The following KCNH8 variants were observed in gnomAD, a reference collection of about 807,000 sequenced individuals.
The protein encoded by KCNH8 is potassium voltage-gated channel subfamily H member 8, also known as voltage-gated delayed rectifier potassium channel KCNH8.
Under a neutral mutation model 103.6 loss-of-function variants are expected in KCNH8, and 70 were observed. The observed-to-expected ratio is 0.68, with a 90% CI of 0.56 to 0.82. The LOEUF is 0.82. Ranked by LOEUF, KCNH8 falls within the 40% of genes least tolerant of loss-of-function variation. The pLI is 0.00. For synonymous variants in KCNH8, 498 were observed against 489.4 expected (o/e 1.02, Z -0.23); for missense variants, 1,217 against 1,329.9 (o/e 0.92, Z 1.32).
At chr3:19,509,063 T>G (rs1257302274) in intron 11 of KCNH8, among the ~76,000 whole-genome samples, 1 of 152,180 alleles carries the variant, frequency 6.6e-6, no homozygotes. Context: ...CACCATAATT[T>G]TGTTTTATTT....
At chr3:19,513,568 C>T (rs1392065940) in intron 13 of KCNH8, among the ~76,000 whole-genome samples, 1 of 152,066 alleles carries the variant, frequency 6.6e-6, no homozygotes, top group Non-Finnish European at 1.5e-5. Flanking sequence ...TCCTTTTATT[C>T]ATTTTGCACT....
intron 7 of KCNH8, 113 bp from the exon 8 acceptor site, chr3:19,438,051 C>T: frequency 1.2e-6 from 1 of 815,500 alleles, no homozygotes; most frequent in Non-Finnish European, 2.0e-6. Context: ...TTACCTTCTT[C>T]TTCCTCTGAG....
chr3:19,230,851 G>A lies in KCNH8; in HGVS notation c.77-22803G>A, dbSNP rs1209664488. On this transcript the variant is annotated intron_variant, in intron 1 of 15. Transcript: ENST00000328405. ...GCACAATGCTTTCGTTCTTCGGAAC[G>A]CAAATTTGCAATATGTGCCAAGAGT... is the stretch of plus-strand genomic sequence containing the variant. 5.3e-5 allele frequency among the ~76,000 whole-genome samples: 8 copies of A among 152,094 alleles called. No individual in the cohort carries two copies. In the East Asian group the frequency reaches 1.2e-3, roughly 22 times the overall value.
intron 1 of KCNH8, among the ~76,000 whole-genome samples, chr3:19,203,163 G>A (rs1575433819): frequency 1.3e-5 from 2 of 151,968 alleles, no homozygotes; most frequent in African/African-American, 4.8e-5. Context: ...AATAATGAGA[G>A]CCCCCCTTGT....
intron 7 of KCNH8, among the ~76,000 whole-genome samples, chr3:19,402,553 CACAT>C (rs1391696164): frequency 6.6e-6 from 1 of 151,798 alleles, no homozygotes; most frequent in Non-Finnish European, 1.5e-5. Context: ...ACAGTATACA[CACAT>C]ATACATACAT....
chr3:19,506,803 G>A (rs909180378), intron 11 of KCNH8, among the ~76,000 whole-genome samples: 4 of 152,264 alleles, frequency 2.6e-5, no homozygotes. Flanking sequence ...AGCCAAGGTT[G>A]GGGTGGCTGC....
chr3:19,476,167 C>G (rs1575112524), intron 11 of KCNH8, among the ~76,000 whole-genome samples: 1 of 152,080 alleles, frequency 6.6e-6, no homozygotes, highest in East Asian at 1.9e-4. Context: ...TCTATTAGCC[C>G]TCTTCTTCTT....
intron 7 of KCNH8, among the ~76,000 whole-genome samples, chr3:19,401,969 A>G (rs1055755210): frequency 3.9e-5 from 6 of 151,970 alleles, no homozygotes; most frequent in Non-Finnish European, 1.5e-5. Context: ...GAATGAACCT[A>G]CAATATACTC....
At chr3:19,330,232 T>TA (rs1422119549) in intron 3 of KCNH8, among the ~76,000 whole-genome samples, 2 of 152,208 alleles carry the variant, frequency 1.3e-5, no homozygotes, top group African/African-American at 4.8e-5. Flanking sequence ...GTATGTTTTC[T>TA]AGGCTCAGAC....
intron 7 of KCNH8, among the ~76,000 whole-genome samples, chr3:19,415,403 GC>G (rs2066847690): frequency 7.4e-6 from 1 of 135,374 alleles, no homozygotes; most frequent in Admixed American, 7.3e-5. Context: ...TTCTCAATGA[GC>G]TTTTTTTTTT....
chr3:19,240,086 G>A (rs932330957), intron 1 of KCNH8, among the ~76,000 whole-genome samples: 1 of 152,044 alleles, frequency 6.6e-6, no homozygotes, highest in Non-Finnish European at 1.5e-5. Flanking sequence ...TGGAAACATT[G>A]TGATTAGTTT....
intron 3 of KCNH8, among the ~76,000 whole-genome samples, chr3:19,321,064 A>G (rs753981419): frequency 6.6e-6 from 1 of 151,334 alleles, no homozygotes; most frequent in East Asian, 1.9e-4. Context: ...GCTTATTTGG[A>G]TCTTCTCTCT....
intron 1 of KCNH8, among the ~76,000 whole-genome samples, chr3:19,222,977 A>G (rs1293962495): frequency 1.5e-4 from 23 of 152,028 alleles, no homozygotes; most frequent in South Asian, 4.2e-4. Context: ...TCCTTATTTT[A>G]TATGTTTTGA....
chr3:19,289,624 C>T (rs1049918706), intron 3 of KCNH8, among the ~76,000 whole-genome samples: 78 of 152,124 alleles, frequency 5.1e-4, no homozygotes, highest in African/African-American at 1.3e-3. Flanking sequence ...TTTTGGTTAC[C>T]GTAGCCTTGT....
rs1575396513 is a variant in KCNH8, at chr3:19,150,823, C to T, written c.76+2028C>T. 5.3e-5 allele frequency among the ~76,000 whole-genome samples: 8 copies of T among 152,234 alleles called. No individual in the cohort carries two copies. The South Asian group carries it at 1.7e-3, about 32-fold the overall frequency. On this transcript the variant is annotated intron_variant, in intron 1 of 15. Transcript: ENST00000328405. ...ACCATGCTTGGTCTGTGCTCCACAG[C>T]ATCTGGGGGATTCCTGGAGGGAACC...
Position 19,372,276 on chromosome 3 carries a change from C to A in KCNH8, c.812-18205C>A, listed in dbSNP as rs1219073065. Among the ~76,000 whole-genome samples the A allele has an allele frequency of 4.0e-5, 6 of 151,750 alleles. No homozygotes were observed. The East Asian group carries it at 1.2e-3, about 29-fold the overall frequency. On this transcript the variant is annotated intron_variant, in intron 5 of 15. Transcript: ENST00000328405. Reference sequence around the variant, plus strand: ...ATGTTCTTCCATTTGTTTGTATCCTCTTTTATTTCCTTGAGCACTGGTTTG... The same window carrying A: ...ATGTTCTTCCATTTGTTTGTATCCTATTTTATTTCCTTGAGCACTGGTTTG...
At chr3:19,293,589 A>G (rs566318930) in intron 3 of KCNH8, among the ~76,000 whole-genome samples, 2 of 152,268 alleles carry the variant, frequency 1.3e-5, no homozygotes, top group Admixed American at 6.5e-5. Context: ...TGACATATAC[A>G]TTTCTTAGAA....
intron 1 of KCNH8, among the ~76,000 whole-genome samples, chr3:19,220,416 G>A (rs1428162668): frequency 1.3e-5 from 2 of 152,198 alleles, no homozygotes; most frequent in Non-Finnish European, 2.9e-5. Flanking sequence ...AATAAATGCT[G>A]AAACACTGCT....
intron 1 of KCNH8, among the ~76,000 whole-genome samples, chr3:19,210,754 T>C (rs2063763281): frequency 2.6e-5 from 4 of 152,058 alleles, no homozygotes. Flanking sequence ...TCATTCATAT[T>C]TCCCAGTGAA....
Sources: gnomAD v4.1 joint callset for allele counts (sites outside exome capture counted in the v4.1 genomes callset) on GRCh38, gnomAD v4.1.1 for gene constraint, MANE v1.5 for transcripts, NCBI Gene and HGNC (gene_info 2026-07-23, HGNC 2026-07-21) for gene names.